GFPT1: variants seen among roughly 807,000 people sequenced by gnomAD.
The protein encoded by GFPT1 is glutamine--fructose-6-phosphate transaminase 1.
In GFPT1, 40 loss-of-function variants were observed where a neutral mutation model predicts 92.0. The ratio of observed to expected loss-of-function variants is 0.43; its 90% CI spans 0.34 to 0.57. The LOEUF (loss-of-function observed/expected upper bound fraction) is 0.57. GFPT1 is among the 20% of genes least tolerant of loss of function. GFPT1 has a pLI of 0.02. For synonymous variants in GFPT1, 269 were observed against 280.6 expected (o/e 0.96, Z 0.41); for missense variants, 448 against 869.1 (o/e 0.52, Z 6.09).
Position 69,342,198 on chromosome 2 carries a change from C to T in GFPT1, c.1157G>A (p.Arg386His), listed in dbSNP as rs1670968758. The T allele has an allele frequency of 5.0e-6, 8 of 1,612,242 alleles. No individual in the cohort carries two copies. Among genetic ancestry groups the T allele is most frequent in the Admixed American group, 1.7e-5 (1 of 59,984 alleles). Reference protein sequence around the residue: ...DHIKEIQRCRRLILIACGTSY... With the variant: ...DHIKEIQRCRHLILIACGTSY... ...TGTTCCACAAGCAATAAGAATCAAA[C>T]GCCGGCATCTCTGGATCTCCTTTAT... Residue 386 changes from arginine to histidine, a missense_variant, in exon 13 of 20, where the codon CGT becomes CAT. This residue lies in a region of GFPT1 where 121 missense variants were observed against 304.3 expected (regional missense o/e 0.40). Transcript: ENST00000357308.
intron 9 of GFPT1, among the ~76,000 whole-genome samples, chr2:69,352,093 C>T (rs1574064008): frequency 6.6e-6 from 1 of 151,284 alleles, no homozygotes; most frequent in East Asian, 2.0e-4. Context: ...GAAACCTCGT[C>T]TCTACTAAAA....
intron 2 of GFPT1, among the ~76,000 whole-genome samples, chr2:69,372,998 G>A (rs902170965): frequency 2.0e-5 from 3 of 152,186 alleles, no homozygotes; most frequent in Non-Finnish European, 4.4e-5. Flanking sequence ...TATTTTGGGA[G>A]TCTAGAATTT....
At chr2:69,344,728 C>T (rs11887344) in intron 12 of GFPT1, among the ~76,000 whole-genome samples, 66,702 of 151,210 alleles carry the variant, frequency 0.44, 15,019 homozygotes, top group African/African-American at 0.53. Context: ...ACTGCAGCCT[C>T]GATCTACAGG....
In GFPT1 at chr2:69,320,861, A is replaced by G. The variant is rs561614233; in HGVS notation, c.*5328T>C. The G allele has an allele frequency of 6.6e-6, 1 of 152,320 alleles. No individual in the cohort carries two copies. The highest frequency in any genetic ancestry group is 1.9e-4 in the East Asian group (1 of 5,184). The allele number at this position is 152,320 out of a possible 1,614,324, so 9.4% of individuals were successfully genotyped here. A position where few individuals can be genotyped will look rare whatever the true frequency, so the allele number is the denominator to read the frequency against. On this transcript the variant is annotated 3_prime_UTR_variant, in exon 20 of 20. Transcript: ENST00000357308. ...GCAGCCTTAGGCTCTGGTGCAGAAG[A>G]AGAGAGAGGGAGAGGTGGAGGAGGG...
chr2:69,357,841 G>C (rs1352890228), intron 6 of GFPT1, among the ~76,000 whole-genome samples: 2 of 152,172 alleles, frequency 1.3e-5, no homozygotes, highest in African/African-American at 4.8e-5. Context: ...TCAGAGCCAA[G>C]GGAAAGTCCC....
intron 1 of GFPT1, among the ~76,000 whole-genome samples, chr2:69,377,433 G>A (rs1671901549): frequency 6.7e-6 from 1 of 149,300 alleles, no homozygotes; most frequent in Middle Eastern, 3.5e-3. Flanking sequence ...GGCGGATCAC[G>A]AGGTCAGGAG....
intron 15 of GFPT1, among the ~76,000 whole-genome samples, chr2:69,331,295 T>C (rs1167098263): frequency 6.6e-6 from 1 of 152,190 alleles, no homozygotes; most frequent in African/African-American, 2.4e-5. Context: ...TTTTGACAAC[T>C]GACTTTGTTG....
intron 15 of GFPT1, among the ~76,000 whole-genome samples, chr2:69,331,702 C>A (rs1670667406): frequency 6.6e-6 from 1 of 151,618 alleles, no homozygotes; most frequent in Admixed American, 6.6e-5. Context: ...TGTTTTGAGA[C>A]AGAGTAATAT....
At chr2:69,374,319 C>CTTT (rs5831970) in intron 1 of GFPT1, among the ~76,000 whole-genome samples, 1 of 144,300 alleles carries the variant, frequency 6.9e-6, no homozygotes. Context: ...ATAATTTTTT[C>CTTT]TTTTTTTTTT....
chr2:69,364,299 T>C (rs1558767294), intron 3 of GFPT1, among the ~76,000 whole-genome samples: 1 of 152,078 alleles, frequency 6.6e-6, no homozygotes, highest in Non-Finnish European at 1.5e-5. Context: ...AAAAAACTAA[T>C]ACAGAGTTAA....
Position 69,381,082 on chromosome 2 carries a change from C to T in GFPT1, c.7+5983G>A, listed in dbSNP as rs572229460. Among the ~76,000 whole-genome samples the T allele has an allele frequency of 6.6e-5, 10 of 152,056 alleles. No individual in the cohort carries two copies. The East Asian group carries it at 1.9e-3, about 29-fold the overall frequency. On this transcript the variant is annotated intron_variant, in intron 1 of 19. Coordinates refer to ENST00000357308, the MANE Select transcript of GFPT1 (RefSeq NM_001244710.2). ...GCAACCTCCACCTCCTGAGTTCAAG[C>T]GATTCTCCCGCCTCAGCCTCTTGAG...
intron 4 of GFPT1, among the ~76,000 whole-genome samples, chr2:69,360,030 T>TA (rs1671427821): frequency 6.6e-6 from 1 of 152,140 alleles, no homozygotes; most frequent in African/African-American, 2.4e-5. Context: ...TGCTGGTACA[T>TA]AAAAACTACC....
intron 3 of GFPT1, among the ~76,000 whole-genome samples, chr2:69,364,864 G>A (rs1259785340): frequency 5.3e-5 from 8 of 151,836 alleles, no homozygotes; most frequent in Admixed American, 1.3e-4. Flanking sequence ...GTGTGGTGGT[G>A]CGCGCCTGTA....
chr2:69,348,046 C>T (rs1270504153), intron 11 of GFPT1, 125 bp downstream of exon 11: 2 of 815,168 alleles, frequency 2.5e-6, no homozygotes, highest in African/African-American at 1.7e-5. Context: ...CTAGCGTTGT[C>T]CCTTCACTAA....
intron 1 of GFPT1, among the ~76,000 whole-genome samples, chr2:69,378,022 TTTTG>T (rs1426240659): frequency 2.6e-5 from 4 of 152,212 alleles, no homozygotes; most frequent in Non-Finnish European, 5.9e-5. Flanking sequence ...GTTTTTTGTT[TTTTG>T]TTTTTTTGAA....
At position 69,328,208 on chromosome 2, in the gene GFPT1, C is replaced by A. The variant is rs142895491; in HGVS notation, c.1893+63G>T. On this transcript the variant is annotated intron_variant, in intron 18 of 19. Coordinates refer to ENST00000357308, the MANE Select transcript of GFPT1 (RefSeq NM_001244710.2). The stretch of plus-strand genomic sequence containing the variant: ...GTGTAAACATGTTTTGTAAGTCATT[C>A]AAATAAGCTAGCGTAACTCCCCTCT... 229 of 1,239,012 alleles carry A rather than the reference C, an allele frequency of 1.8e-4. 2 individuals carry two copies. In the African/African-American group the frequency reaches 3.1e-3, roughly 17 times the overall value. The allele number at this position is 1,239,012 out of a possible 1,614,324, so 76.8% of individuals were successfully genotyped here. A position where few individuals can be genotyped will look rare whatever the true frequency, so the allele number is the denominator to read the frequency against.
chr2:69,351,862 T>C (rs993167849), intron 9 of GFPT1, among the ~76,000 whole-genome samples: 1 of 152,208 alleles, frequency 6.6e-6, no homozygotes, highest in African/African-American at 2.4e-5. Flanking sequence ...AGGGACCTTA[T>C]TGAGTGATGA....
chr2:69,340,773 G>A (rs1670930298), intron 13 of GFPT1, among the ~76,000 whole-genome samples: 1 of 152,050 alleles, frequency 6.6e-6, no homozygotes, highest in African/African-American at 2.4e-5. Context: ...AGTAGTCTTG[G>A]CATCCACAAA....
chr2:69,328,352 C>T lies in GFPT1; in HGVS notation c.1812G>A (p.Leu604=). 1 of 1,613,166 alleles carries T rather than the reference C, an allele frequency of 6.2e-7. No individual in the cohort carries two copies. The highest frequency in any genetic ancestry group is 8.5e-7 in the Non-Finnish European group (1 of 1,179,168). Reference sequence around the variant, plus strand: ...TCATGATGATCATGATCACAGGCATCAATTTATCCACCAAAGCCAGAGGGC... The same window carrying T: ...TCATGATGATCATGATCACAGGCATTAATTTATCCACCAAAGCCAGAGGGC... ...KHGPLALVDK[L]MPVIMIIMRD... is the part of the protein sequence containing the mutation. Residue 604 remains leucine, a synonymous_variant, in exon 18 of 20, where the codon TTG becomes TTA. Transcript: ENST00000357308.
Sources: gnomAD v4.1 joint callset for allele counts (sites outside exome capture counted in the v4.1 genomes callset) on GRCh38, gnomAD v4.1.1 for gene constraint, gnomAD v4.1.1 regional missense constraint, MANE v1.5 for transcripts, NCBI Gene and HGNC (gene_info 2026-07-23, HGNC 2026-07-21) for gene names.